The following ALS2 variants were observed in gnomAD, a reference collection of about 807,000 sequenced individuals.
ALS2 encodes alsin Rho guanine nucleotide exchange factor ALS2.
A neutral mutation model predicts 203.4 loss-of-function variants in ALS2; 117 were observed. The ratio of observed to expected loss-of-function variants is 0.58; its 90% CI spans 0.50 to 0.67. The LOEUF is 0.67. Ranked by LOEUF, ALS2 falls within the 30% of genes least tolerant of loss-of-function variation. The pLI, the probability that ALS2 is intolerant of heterozygous loss-of-function variation, is 0.00. For missense variants in ALS2, 1,715 were observed against 1,989.4 expected (o/e 0.86, Z 2.62); for synonymous variants, 718 against 725.9 (o/e 0.99, Z 0.17).
intron 25 of ALS2, among the ~76,000 whole-genome samples, chr2:201,713,888 A>C (rs1690198852): frequency 6.6e-6 from 1 of 152,190 alleles, no homozygotes. Context: ...AATGTCTTGG[A>C]TATTTTGAGC....
rs1231729989 is a variant in ALS2 at position 201,700,852 on chromosome 2, A to G, written c.*999T>C. 1.3e-5 allele frequency: 2 copies of G among 152,380 alleles called. No individual in the cohort carries two copies. Among genetic ancestry groups the G allele is most frequent in the Non-Finnish European group, 2.9e-5 (2 of 68,042 alleles). 9.4% of individuals were successfully genotyped at this position (152,380 alleles called of 1,614,324 possible). A position where few individuals can be genotyped will look rare whatever the true frequency, so the allele number is the denominator to read the frequency against. On this transcript the variant is annotated 3_prime_UTR_variant, in exon 34 of 34. Coordinates refer to ENST00000264276, the MANE Select transcript of ALS2 (RefSeq NM_020919.4). ...GCATTTTTTAAAAAGCAAAACACTG[A>G]AATGTTGAGGTGCCACAATACTTTT... is the stretch of plus-strand genomic sequence containing the variant.
intron 9 of ALS2, 42 bp downstream of exon 9, chr2:201,746,524 T>G: frequency 6.2e-7 from 1 of 1,604,990 alleles, no homozygotes. Context: ...AGACTTCTTA[T>G]GTGTTACTGA....
chr2:201,771,299 G>A (rs1452891629), intron 1 of ALS2, among the ~76,000 whole-genome samples: 4 of 151,852 alleles, frequency 2.6e-5, no homozygotes, highest in East Asian at 1.9e-4. Flanking sequence ...CACCTGCCTC[G>A]GCCTCCCAAA....
At chr2:201,745,655 A>C (rs558313248) in intron 9 of ALS2, among the ~76,000 whole-genome samples, 3 of 152,252 alleles carry the variant, frequency 2.0e-5, no homozygotes, top group African/African-American at 7.2e-5. Flanking sequence ...AAACAGTAGG[A>C]AATAAAATTA....
chr2:201,753,214 CCAGA>C lies in ALS2; in HGVS notation c.1665_1668del (p.Cys555TrpfsTer6), dbSNP rs1693172509. 6.2e-7 allele frequency: 1 copy of C among 1,613,976 alleles called. No homozygotes were observed. Among genetic ancestry groups the C allele is most frequent in the Non-Finnish European group, 8.5e-7 (1 of 1,179,984 alleles). ...TCCAGATGGATTACTTCTTTGCCAT[CCAGA>C]CATTTTACACACAACGGTTGAAGCC... is the stretch of plus-strand genomic sequence containing the variant. On this transcript the variant is annotated frameshift_variant, in exon 7 of 34. Transcript: ENST00000264276. LOFTEE classifies it high-confidence loss of function.
intron 11 of ALS2, chr2:201,741,233 T>C (rs886348258): frequency 6.5e-6 from 1 of 153,758 alleles, no homozygotes; most frequent in African/African-American, 2.4e-5. Flanking sequence ...TTAAAAATAG[T>C]TGGGTCTTTT....
Position 201,725,345 on chromosome 2 carries a change from T to C in ALS2, c.3347+11A>G, listed in dbSNP as rs1037513623. On this transcript the variant is annotated intron_variant, in intron 20 of 33. Coordinates refer to ENST00000264276, the MANE Select transcript of ALS2 (RefSeq NM_020919.4). Reference sequence around the variant, plus strand: ...AAACAAACACCAGTCCAACAGCCTTTCCAATGTTACCTGTAGACTCCTTGA... The same window carrying C: ...AAACAAACACCAGTCCAACAGCCTTCCCAATGTTACCTGTAGACTCCTTGA... 6.2e-6 allele frequency: 10 copies of C among 1,608,170 alleles called. No individual in the cohort carries two copies. The Admixed American group carries it at 6.7e-5, about 11-fold the overall frequency.
intron 7 of ALS2, 75 bp from the exon 8 acceptor site, chr2:201,749,864 A>G: frequency 2.7e-6 from 3 of 1,110,706 alleles, no homozygotes; most frequent in South Asian, 1.3e-5. Context: ...CCTTTATAAT[A>G]ATTAACATAT....
In ALS2 at chr2:201,724,283, AG is replaced by A; in HGVS notation, c.3512+11del. 5 of 1,611,306 alleles carry A rather than the reference AG, an allele frequency of 3.1e-6. No individual in the cohort carries two copies. The highest frequency in any genetic ancestry group is 4.2e-6 in the Non-Finnish European group (5 of 1,177,616). ...TGGCTTAAACTGTGGGAATAGAAGG[AG>A]AATACTGTACCTAGTGATATCATCA... On this transcript the variant is annotated intron_variant, in intron 21 of 33. Transcript: ENST00000264276.
At chr2:201,728,457 T>A in intron 15 of ALS2, 55 bp downstream of exon 15, 2 of 1,606,770 alleles carry the variant, frequency 1.2e-6, no homozygotes, top group Non-Finnish European at 1.7e-6. Flanking sequence ...GTACAGTTAA[T>A]AAGGATAGGG....
In ALS2 at chr2:201,746,662, C is replaced by A; in HGVS notation, c.1902G>T (p.Gly634=). The part of the protein sequence containing the change: ...FLVDTEDFQP[G]LYYSGRQDPT... Reference sequence around the variant, plus strand: ...GGTCCTGTCGGCCACTGTAATATAACCCAGGCTGGAAGTCTTCTGTATCCA... The same window carrying A: ...GGTCCTGTCGGCCACTGTAATATAAACCAGGCTGGAAGTCTTCTGTATCCA... Residue 634 remains glycine, a synonymous_variant, in exon 9 of 34, where the codon GGG becomes GGT. Coordinates refer to ENST00000264276, the MANE Select transcript of ALS2 (RefSeq NM_020919.4). 1 of 1,614,128 alleles carries A rather than the reference C, an allele frequency of 6.2e-7. No individual in the cohort carries two copies. The highest frequency in any genetic ancestry group is 8.5e-7 in the Non-Finnish European group (1 of 1,180,010).
chr2:201,719,973 A>G (rs1293254142), intron 23 of ALS2: 1 of 240,294 alleles, frequency 4.2e-6, no homozygotes, highest in East Asian at 1.6e-4. Context: ...TTAGAAATTA[A>G]AAATTTTCTC....
chr2:201,717,412 G>A (rs964422945), intron 24 of ALS2, among the ~76,000 whole-genome samples: 2 of 149,318 alleles, frequency 1.3e-5, no homozygotes, highest in African/African-American at 2.5e-5. Flanking sequence ...ACTGCAGTGA[G>A]CCAAGATCAC....
intron 25 of ALS2, 31 bp downstream of exon 25, chr2:201,715,641 T>C: frequency 6.2e-7 from 1 of 1,612,332 alleles, no homozygotes; most frequent in Non-Finnish European, 8.5e-7. Context: ...CCTAACATGC[T>C]CTGCTGTATG....
chr2:201,710,023 G>A lies in ALS2; in HGVS notation c.4138C>T (p.Leu1380=). Residue 1380 remains leucine (L), a synonymous_variant, in exon 27 of 34, where the codon CTG becomes TTG. Coordinates refer to ENST00000264276, the MANE Select transcript of ALS2 (RefSeq NM_020919.4). ...KYLIKACDTP[L]HPLGRLVETL... ...TCCACAAGCCTGCCCAGGGGGTGCA[G>A]AGGAGTGTCACAGGCCTGAGTAGGA... The A allele has an allele frequency of 1.9e-6, 3 of 1,613,952 alleles. No homozygotes were observed. Among genetic ancestry groups the A allele is most frequent in the Non-Finnish European group, 2.5e-6 (3 of 1,179,838 alleles).
chr2:201,700,315 C>G lies in ALS2; in HGVS notation c.*1536G>C, dbSNP rs1160225543. The stretch of plus-strand genomic sequence containing the variant: ...AAGAAATAATAGATTTCTTTGGAGA[C>G]CCGTGTCCTTGGGTTATTGGGGTCA... On this transcript the variant is annotated 3_prime_UTR_variant, in exon 34 of 34. Coordinates refer to ENST00000264276, the MANE Select transcript of ALS2 (RefSeq NM_020919.4). Among the ~76,000 whole-genome samples, 1 of 151,972 alleles carries G rather than the reference C, an allele frequency of 6.6e-6. No homozygotes were observed. Among genetic ancestry groups the G allele is most frequent in the Admixed American group, 6.5e-5 (1 of 15,270 alleles).
intron 25 of ALS2, among the ~76,000 whole-genome samples, chr2:201,711,690 A>C (rs1690035287): frequency 6.6e-6 from 1 of 152,258 alleles, no homozygotes; most frequent in Non-Finnish European, 1.5e-5. Flanking sequence ...ACACGCTAGT[A>C]ATCAACTGAA....
At chr2:201,720,726 C>T (rs1333336973) in intron 23 of ALS2, among the ~76,000 whole-genome samples, 1 of 151,540 alleles carries the variant, frequency 6.6e-6, no homozygotes, top group Non-Finnish European at 1.5e-5. Context: ...CACACACACA[C>T]ACACACACAC....
At chr2:201,745,418 C>T (rs1430688306) in intron 9 of ALS2, among the ~76,000 whole-genome samples, 1 of 149,990 alleles carries the variant, frequency 6.7e-6, no homozygotes, top group Admixed American at 6.6e-5. Flanking sequence ...AAAACAAACA[C>T]AAAGACTAAA....
Sources: allele counts gnomAD v4.1 joint callset (sites outside exome capture counted in the v4.1 genomes callset), GRCh38; gene constraint gnomAD v4.1.1; transcripts MANE v1.5; gene names NCBI Gene and HGNC (gene_info 2026-07-23, HGNC 2026-07-21).